SATB2: variants seen among roughly 807,000 people sequenced by gnomAD.
The protein encoded by SATB2 is SATB homeobox 2, also known as DNA-binding protein SATB2.
In SATB2, 1 loss-of-function variant was observed where a neutral mutation model predicts 73.4. That is an observed-to-expected ratio of 0.01 (90% CI 0.00 to 0.06). The LOEUF (loss-of-function observed/expected upper bound fraction) is 0.06, where lower values mean the gene tolerates loss of function less well. Ranked by LOEUF, SATB2 falls within the 10% of genes least tolerant of loss-of-function variation. SATB2 has a pLI of 1.00. For missense variants in SATB2, 459 were observed against 945.8 expected (o/e 0.49, Z 6.75); for synonymous variants, 397 against 367.0 (o/e 1.08, Z -0.93).
chr2:199,447,456 A>G (rs1387582511), intron 2 of SATB2, among the ~76,000 whole-genome samples: 1 of 152,130 alleles, frequency 6.6e-6, no homozygotes, highest in Non-Finnish European at 1.5e-5. Context: ...CCTTCAGCCT[A>G]GTTTGGACTT....
chr2:199,413,339 A>C (rs1484275347), intron 3 of SATB2, among the ~76,000 whole-genome samples: 1 of 152,190 alleles, frequency 6.6e-6, no homozygotes, highest in Non-Finnish European at 1.5e-5. Context: ...ATGATGCCGG[A>C]GCTAAAGCCT....
At chr2:199,428,085 C>G (rs1340582939) in intron 3 of SATB2, among the ~76,000 whole-genome samples, 2 of 152,036 alleles carry the variant, frequency 1.3e-5, no homozygotes, top group African/African-American at 4.8e-5. Context: ...ACTGACAAAA[C>G]ATTTGTAAGT....
intron 10 of SATB2, among the ~76,000 whole-genome samples, chr2:199,277,177 G>A (rs1032145684): frequency 1.3e-5 from 2 of 152,158 alleles, no homozygotes; most frequent in African/African-American, 4.8e-5. Context: ...GGTTTCCACT[G>A]AGGTTTACTG....
chr2:199,272,712 G>T lies in SATB2; in HGVS notation c.1741-40C>A. 1 of 1,566,148 alleles carries T rather than the reference G, an allele frequency of 6.4e-7. No individual in the cohort carries two copies. The highest frequency in any genetic ancestry group is 8.8e-7 in the Non-Finnish European group (1 of 1,136,508). ...AGAAAAAAATGAACACTGGACTCAT[G>T]ATTTTACCTTTCCAAAACCATCAGC... On this transcript the variant is annotated intron_variant, in intron 10 of 10. Coordinates refer to ENST00000417098, the MANE Select transcript of SATB2 (RefSeq NM_001172509.2). This position sits in a 1 kb window ranked among gnomAD's most constrained non-coding sequence, Gnocchi z 6.7.
At chr2:199,369,454 C>T (rs1278948484) in intron 5 of SATB2, among the ~76,000 whole-genome samples, 1 of 152,136 alleles carries the variant, frequency 6.6e-6, no homozygotes, top group Non-Finnish European at 1.5e-5. Context: ...AATTACACAC[C>T]TTGAATTGAA....
At chr2:199,353,279 T>C (rs1319690152) in intron 6 of SATB2, among the ~76,000 whole-genome samples, 1 of 147,446 alleles carries the variant, frequency 6.8e-6, no homozygotes. Flanking sequence ...CTCAGCCTCC[T>C]GAGTAGCTGG....
rs555870876 is a variant in SATB2, at chr2:199,403,249, A to G, written c.347-21429T>C. Among the ~76,000 whole-genome samples, 16 of 152,316 alleles carry G rather than the reference A, an allele frequency of 1.1e-4. No individual in the cohort carries two copies. In the South Asian group the frequency reaches 1.9e-3, roughly 18 times the overall value. On this transcript the variant is annotated intron_variant, in intron 3 of 10. Transcript: ENST00000417098. ...TTATACTCACACAATCAGCCATTACAAAAGGATTAAAAATTAATGCCATGA... is the reference window on the plus strand; with the variant it reads ...TTATACTCACACAATCAGCCATTACGAAAGGATTAAAAATTAATGCCATGA...
intron 7 of SATB2, 49 bp from the exon 8 acceptor site, chr2:199,328,959 T>C (rs1453642680): frequency 6.9e-7 from 1 of 1,459,124 alleles, no homozygotes; most frequent in Non-Finnish European, 9.6e-7. Flanking sequence ...TGCAGGTATA[T>C]GTGTGTGGTT....
chr2:199,336,713 T>C (rs1688346920), intron 7 of SATB2, among the ~76,000 whole-genome samples: 1 of 152,208 alleles, frequency 6.6e-6, no homozygotes, highest in East Asian at 1.9e-4. Context: ...AAAGGATTAC[T>C]GGTTTGAAAG....
At chr2:199,275,517 T>C (rs1692287272) in intron 10 of SATB2, among the ~76,000 whole-genome samples, 1 of 152,022 alleles carries the variant, frequency 6.6e-6, no homozygotes, top group Non-Finnish European at 1.5e-5. Context: ...ACATGTAGCA[T>C]CTCCTCTTAA....
intron 5 of SATB2, among the ~76,000 whole-genome samples, chr2:199,377,061 T>G (rs1424166117): frequency 5.3e-5 from 8 of 152,214 alleles, no homozygotes; most frequent in African/African-American, 1.9e-4. Flanking sequence ...GGCAAAATGA[T>G]TTTATGCCAT....
rs1221609058 is a variant in SATB2 at position 199,464,086 on chromosome 2, G to A, written c.-141+750C>T. ...CGGCCCAAACTCGTAAGGAGTGGGG[G>A]CCAACTTAGAGGGCTTCCCGAGCTG... On this transcript the variant is annotated intron_variant, in intron 1 of 11. Coordinates refer to the SATB2 transcript ENST00000260926. This position sits in a 1 kb window ranked among gnomAD's most constrained non-coding sequence, Gnocchi z 6.6. Among the ~76,000 whole-genome samples, 1 of 152,180 alleles carries A rather than the reference G, an allele frequency of 6.6e-6. No individual in the cohort carries two copies.
At chr2:199,385,581 C>T (rs916244451) in intron 3 of SATB2, among the ~76,000 whole-genome samples, 3 of 152,140 alleles carry the variant, frequency 2.0e-5, no homozygotes, top group African/African-American at 7.2e-5. Context: ...GTGTCAACTC[C>T]CTCCATGAGG....
chr2:199,425,538 C>T (rs191014453), intron 3 of SATB2, among the ~76,000 whole-genome samples: 16 of 152,162 alleles, frequency 1.1e-4, no homozygotes, highest in African/African-American at 3.9e-4. Context: ...AGTGAGATCG[C>T]ACATTCATTT....
At chr2:199,389,846 CT>C (rs904230567) in intron 3 of SATB2, among the ~76,000 whole-genome samples, 2 of 151,090 alleles carry the variant, frequency 1.3e-5, no homozygotes, top group East Asian at 1.9e-4. Context: ...GTCTGTCACA[CT>C]TTTTTTTTAA....
intron 3 of SATB2, among the ~76,000 whole-genome samples, chr2:199,384,275 C>T (rs2105871177): frequency 6.6e-6 from 1 of 152,322 alleles, no homozygotes; most frequent in Non-Finnish European, 1.5e-5. Context: ...GCTGTTGGCA[C>T]ATGCTATTTT....
At position 199,328,914 on chromosome 2, in the gene SATB2, A is replaced by T. The variant is rs1688108801; in HGVS notation, c.1174-4T>A. ...GCAGAATCTCAGACAACAATCCCTG[A>T]TTAAATGGGGGAAAAAAACAGACCA... is the stretch of plus-strand genomic sequence containing the variant. On this transcript the variant is annotated splice_region_variant and splice_polypyrimidine_tract_variant and intron_variant, in intron 7 of 10. Coordinates refer to ENST00000417098, the MANE Select transcript of SATB2 (RefSeq NM_001172509.2). 6.2e-7 allele frequency: 1 copy of T among 1,611,790 alleles called. No homozygotes were observed. Among genetic ancestry groups the T allele is most frequent in the Non-Finnish European group, 8.5e-7 (1 of 1,178,258 alleles).
Position 199,382,348 on chromosome 2 carries a change from C to G in SATB2, c.347-528G>C, listed in dbSNP as rs958701579. Reference sequence around the variant, plus strand: ...GCTCCCATATCTGCGTTTCAGCAGGCAGTGGGGTTGCTTTCCCAGGCCAAA... The same window carrying G: ...GCTCCCATATCTGCGTTTCAGCAGGGAGTGGGGTTGCTTTCCCAGGCCAAA... On this transcript the variant is annotated intron_variant, in intron 3 of 10. Transcript: ENST00000417098. 3.9e-5 allele frequency among the ~76,000 whole-genome samples: 6 copies of G among 152,284 alleles called. No homozygotes were observed. The South Asian group carries it at 1.2e-3, about 32-fold the overall frequency.
intron 7 of SATB2, among the ~76,000 whole-genome samples, chr2:199,345,241 T>A (rs1688615217): frequency 6.6e-6 from 1 of 152,144 alleles, no homozygotes. Context: ...CTAGTCCTGA[T>A]AACTCTTCTT....
Sources: allele counts gnomAD v4.1 joint callset (sites outside exome capture counted in the v4.1 genomes callset), GRCh38; gene constraint gnomAD v4.1.1; non-coding constraint Gnocchi (gnomAD v3.1); transcripts MANE v1.5; gene names NCBI Gene and HGNC (gene_info 2026-07-23, HGNC 2026-07-21).